LGR4: variants seen among roughly 807,000 people sequenced by gnomAD.
LGR4 encodes the protein leucine-rich repeat-containing G protein-coupled receptor 4.
A neutral mutation model predicts 84.8 loss-of-function variants in LGR4; 44 were observed. The ratio of observed to expected loss-of-function variants is 0.52; its 90% confidence interval spans 0.41 to 0.67. The LOEUF (loss-of-function observed/expected upper bound fraction) is 0.67. Among genes scored for constraint, LGR4 ranks in the 30% least tolerant of loss-of-function variants. LGR4 has a pLI of 0.00. For synonymous variants in LGR4, 429 were observed against 434.3 expected, an observed-to-expected ratio of 0.99 and a Z score of 0.15; for missense variants, 1,032 against 1,131.4, an observed-to-expected ratio of 0.91 and a Z score of 1.26.
chr11:27,446,733 C>T (rs1864396590), intron 1 of LGR4, among the ~76,000 whole-genome samples: 1 of 152,094 alleles, frequency 6.6e-6, no homozygotes, highest in Non-Finnish European at 1.5e-5. Flanking sequence ...GACACATGCA[C>T]ACGTATGTTT....
At chr11:27,445,146 C>T (rs1352582365) in intron 1 of LGR4, among the ~76,000 whole-genome samples, 1 of 152,184 alleles carries the variant, frequency 6.6e-6, no homozygotes. Context: ...TTCCCCTCCT[C>T]TTTGCTCCCA....
intron 1 of LGR4, among the ~76,000 whole-genome samples, chr11:27,458,933 G>C (rs1403932854): frequency 1.3e-5 from 2 of 151,982 alleles, no homozygotes; most frequent in African/African-American, 4.8e-5. Flanking sequence ...AAAATATGGA[G>C]GCAATAAATA....
intron 17 of LGR4, among the ~76,000 whole-genome samples, chr11:27,369,608 T>G (rs912361382): frequency 6.6e-6 from 1 of 152,302 alleles, no homozygotes; most frequent in Admixed American, 6.5e-5. Context: ...AATGCCTGTT[T>G]CATACAGTTG....
intron 1 of LGR4, among the ~76,000 whole-genome samples, chr11:27,426,134 G>A (rs1864021275): frequency 6.6e-6 from 1 of 152,180 alleles, no homozygotes; most frequent in Non-Finnish European, 1.5e-5. Context: ...CTGGTTGCAG[G>A]CGGAAAGAAA....
intron 11 of LGR4, among the ~76,000 whole-genome samples, chr11:27,377,513 A>G (rs1373889737): frequency 6.6e-6 from 1 of 151,608 alleles, no homozygotes; most frequent in Admixed American, 6.6e-5. Context: ...ATAAATATAT[A>G]AAATTAAATA....
chr11:27,378,789 T>A lies in LGR4; in HGVS notation c.972-21A>T, dbSNP rs1863036476. On this transcript the variant is annotated intron_variant, in intron 10 of 17. Coordinates refer to ENST00000379214, the MANE Select transcript of LGR4 (RefSeq NM_018490.5). ...AAGTCCTGCGGAAAAACATTATTCA[T>A]GTAAGAAATAATTCAACTCAAGATA... The A allele has an allele frequency of 3.8e-6, 6 of 1,574,364 alleles. No homozygotes were observed. The East Asian group carries it at 1.3e-4, about 35-fold the overall frequency.
intron 1 of LGR4, among the ~76,000 whole-genome samples, chr11:27,425,607 G>C (rs1036758859): frequency 6.6e-6 from 1 of 152,058 alleles, no homozygotes; most frequent in Admixed American, 6.6e-5. Context: ...ATAGGAAGGA[G>C]CCACCATAAC....
chr11:27,449,503 G>A (rs1341858100), intron 1 of LGR4, among the ~76,000 whole-genome samples: 1 of 151,912 alleles, frequency 6.6e-6, no homozygotes, highest in Non-Finnish European at 1.5e-5. Context: ...GGTGACTTGA[G>A]CCTAAGAGCT....
At chr11:27,453,313 C>T (rs1864518185) in intron 1 of LGR4, among the ~76,000 whole-genome samples, 1 of 152,110 alleles carries the variant, frequency 6.6e-6, no homozygotes, top group Non-Finnish European at 1.5e-5. Flanking sequence ...ATGATGTGCC[C>T]ACCTCGGCCT....
chr11:27,418,383 C>T (rs939715266), intron 1 of LGR4, among the ~76,000 whole-genome samples: 8 of 152,182 alleles, frequency 5.3e-5, no homozygotes, highest in African/African-American at 9.6e-5. Context: ...TGTTTTAGCA[C>T]GACTAGAATC....
At chr11:27,431,350 A>G (rs1182399499) in intron 1 of LGR4, among the ~76,000 whole-genome samples, 2 of 152,214 alleles carry the variant, frequency 1.3e-5, no homozygotes, top group South Asian at 2.1e-4. Context: ...CCACTGCAGT[A>G]TATTACAATG....
At chr11:27,471,035 A>G (rs900683942) in intron 1 of LGR4, among the ~76,000 whole-genome samples, 1 of 152,104 alleles carries the variant, frequency 6.6e-6, no homozygotes, top group Non-Finnish European at 1.5e-5. Flanking sequence ...CCTCTCTCAC[A>G]CGTTTCTTCG....
intron 1 of LGR4, among the ~76,000 whole-genome samples, chr11:27,462,959 G>A (rs1300674221): frequency 6.7e-6 from 1 of 149,496 alleles, no homozygotes; most frequent in Non-Finnish European, 1.5e-5. Context: ...AGGGCCTGGC[G>A]CAGTGGCTCA....
rs75965293 is a variant in LGR4, at chr11:27,372,448, T to C, written c.1380-50A>G. The C allele has an allele frequency of 4.6e-3, 4,776 of 1,045,940 alleles. 144 individuals carry two copies. The African/African-American group carries it at 0.067, about 15-fold the overall frequency. The allele number at this position is 1,045,940 out of a possible 1,614,324, so 64.8% of individuals were successfully genotyped here. ...ACACTGAACAGCAACTCCGCAGTTA[T>C]GGTTTTGTTTTGTAAAAGTATTTTA... On this transcript the variant is annotated intron_variant, in intron 15 of 17. Coordinates refer to ENST00000379214, the MANE Select transcript of LGR4 (RefSeq NM_018490.5).
intron 4 of LGR4, among the ~76,000 whole-genome samples, chr11:27,389,408 T>C (rs143103436): frequency 1.4e-3 from 210 of 152,256 alleles, no homozygotes; most frequent in African/African-American, 4.8e-3. Context: ...ATAAGCACAG[T>C]ATGCTTTTCT....
chr11:27,402,816 A>G (rs1863528222), intron 2 of LGR4, among the ~76,000 whole-genome samples: 1 of 152,074 alleles, frequency 6.6e-6, no homozygotes, highest in Admixed American at 6.6e-5. Context: ...ACTTCATCCT[A>G]TCTACTGCTG....
intron 6 of LGR4, among the ~76,000 whole-genome samples, chr11:27,382,966 G>C (rs181603866): frequency 5.9e-5 from 9 of 152,164 alleles, no homozygotes; most frequent in Admixed American, 5.9e-4. Context: ...GCAGTGAGCC[G>C]AGATCATGCC....
chr11:27,412,976 T>C (rs938443187), intron 1 of LGR4, 116 bp from the exon 2 acceptor site: 3 of 693,262 alleles, frequency 4.3e-6, no homozygotes, highest in African/African-American at 1.8e-5. Context: ...AGAAGACACA[T>C]AGAAACAGTC....
intron 2 of LGR4, among the ~76,000 whole-genome samples, chr11:27,397,588 A>G (rs2133383436): frequency 6.6e-6 from 1 of 152,240 alleles, no homozygotes; most frequent in South Asian, 2.1e-4. Flanking sequence ...AACTTTTCTT[A>G]TTTCATTTCT....
Sources: allele counts gnomAD v4.1 joint callset (sites outside exome capture counted in the v4.1 genomes callset), GRCh38; gene constraint gnomAD v4.1.1; transcripts MANE v1.5; gene names NCBI Gene and HGNC (gene_info 2026-07-23, HGNC 2026-07-21).